The following GHRH variants were observed in gnomAD, a reference collection of about 807,000 sequenced individuals.
The protein encoded by GHRH is growth hormone releasing hormone, also known as somatoliberin.
Under a neutral mutation model 15.6 loss-of-function variants are expected in GHRH, and 7 were observed. The observed-to-expected ratio is 0.45, with a 90% CI of 0.26 to 0.84. GHRH has a LOEUF of 0.84. Ranked by LOEUF, GHRH falls within the 40% of genes least tolerant of loss-of-function variation. The probability of loss-of-function intolerance (pLI) is 0.18; values close to 1 mark genes in which losing one functional copy is unlikely to be tolerated. For missense variants in GHRH, 117 were observed against 138.0 expected, an observed-to-expected ratio of 0.85 and a Z score of 0.76; for synonymous variants, 54 against 50.4, an observed-to-expected ratio of 1.07 and a Z score of -0.30.
chr20:37,254,233 C>A lies in GHRH; in HGVS notation c.285G>T (p.Leu95=). ...ACCTGTGCTTCTGCAGCAGGGCCACCAGGATGCTCTCCAATTCCATTTGCT... is the reference window on the plus strand; with the variant it reads ...ACCTGTGCTTCTGCAGCAGGGCCACAAGGATGCTCTCCAATTCCATTTGCT... The part of the protein sequence containing the change: ...EQKQMELESI[L]VALLQKHSRN... Residue 95 remains leucine, a synonymous_variant, in exon 4 of 5, where the codon CTG becomes CTT. Transcript: ENST00000373614. The A allele has an allele frequency of 2.5e-6, 4 of 1,614,224 alleles. No homozygotes were observed. Among genetic ancestry groups the A allele is most frequent in the Non-Finnish European group, 3.4e-6 (4 of 1,180,028 alleles).
At chr20:37,256,713 G>T (rs2068658438) in intron 2 of GHRH, 94 bp downstream of exon 2, 1 of 1,005,910 alleles carries the variant, frequency 9.9e-7, no homozygotes, top group African/African-American at 1.6e-5. Context: ...CATAGCCAGG[G>T]CCCAGCTGAT....
chr20:37,253,360 A>G (rs989753688), intron 4 of GHRH, among the ~76,000 whole-genome samples: 1 of 152,172 alleles, frequency 6.6e-6, no homozygotes, highest in African/African-American at 2.4e-5. Flanking sequence ...TTGGCTTGAT[A>G]GTTTTTTGAA....
At chr20:37,252,889 A>G (rs903776228) in intron 4 of GHRH, among the ~76,000 whole-genome samples, 3 of 152,148 alleles carry the variant, frequency 2.0e-5, no homozygotes, top group African/African-American at 7.2e-5. Flanking sequence ...AAGTACAAAA[A>G]TCAGCCAGGC....
chr20:37,254,925 C>G (rs746256128), intron 3 of GHRH, among the ~76,000 whole-genome samples: 1 of 151,994 alleles, frequency 6.6e-6, no homozygotes, highest in Non-Finnish European at 1.5e-5. Flanking sequence ...GGTCCCAGAT[C>G]AGAAAAAGAA....
In GHRH at chr20:37,258,191, T is replaced by G. The variant is rs1033395521; in HGVS notation, c.-19-1283A>C. 2.0e-5 allele frequency among the ~76,000 whole-genome samples: 3 copies of G among 152,246 alleles called. No homozygotes were observed. The highest frequency in any genetic ancestry group is 4.4e-5 in the Non-Finnish European group (3 of 68,036). ...ACCTGCCCAAGCATGGAAACACGGCTGGCCTCGGGGGACTTGGCCACCTAG... is the reference window on the plus strand; with the variant it reads ...ACCTGCCCAAGCATGGAAACACGGCGGGCCTCGGGGGACTTGGCCACCTAG... On this transcript the variant is annotated intron_variant, in intron 1 of 4. Transcript: ENST00000373614. This position sits in a 1 kb window ranked among gnomAD's most constrained non-coding sequence, Gnocchi z 4.1.
chr20:37,254,678 GAGA>G (rs1339753233), intron 3 of GHRH, among the ~76,000 whole-genome samples: 1 of 152,168 alleles, frequency 6.6e-6, no homozygotes, highest in Non-Finnish European at 1.5e-5. Flanking sequence ...ACCAGGCACT[GAGA>G]AGGACACAAC....
intron 2 of GHRH, 61 bp downstream of exon 2, chr20:37,256,746 C>T (rs555141581): frequency 1.6e-5 from 21 of 1,336,418 alleles, no homozygotes; most frequent in Admixed American, 5.7e-5. Context: ...CATTCACTAA[C>T]GCCTGCCCCA....
At chr20:37,252,902 G>A (rs1308441467) in intron 4 of GHRH, among the ~76,000 whole-genome samples, 2 of 152,210 alleles carry the variant, frequency 1.3e-5, no homozygotes, top group East Asian at 3.9e-4. Context: ...AGCCAGGCAT[G>A]GTGGCAGGCG....
Position 37,256,815 on chromosome 20 carries a change from C to G in GHRH, c.75G>C (p.Leu25Phe), listed in dbSNP as rs2068659243. Residue 25 changes from leucine (L) to phenylalanine (F), a missense_variant, in exon 2 of 5, where the codon TTG becomes TTC. Coordinates refer to ENST00000373614, the MANE Select transcript of GHRH (RefSeq NM_021081.6). ...NSSHCSPPPP[L>F]TLRMRRYADA... ...CCCCAGGGTCTGCTTACCTGAGGGT[C>G]AAAGGGGGAGGTGGGGAGCAGTGGG... The G allele has an allele frequency of 6.2e-7, 1 of 1,611,964 alleles. No individual in the cohort carries two copies. Among genetic ancestry groups the G allele is most frequent in the Admixed American group, 1.7e-5 (1 of 59,800 alleles).
At chr20:37,261,342 T>A (rs1333538747) in intron 1 of GHRH, among the ~76,000 whole-genome samples, 1 of 152,212 alleles carries the variant, frequency 6.6e-6, no homozygotes, top group Non-Finnish European at 1.5e-5. Context: ...CAGTTCTGAG[T>A]GATCAATGAG....
intron 1 of GHRH, among the ~76,000 whole-genome samples, chr20:37,261,475 A>G (rs560019109): frequency 8.7e-4 from 132 of 152,302 alleles, no homozygotes; most frequent in African/African-American, 3.1e-3. Context: ...TCGAAGGAGC[A>G]CTGAGACCTC....
At position 37,261,792 on chromosome 20, in the gene GHRH, G is replaced by T. The variant is rs1331564686; in HGVS notation, c.-69C>A. 2 of 152,248 alleles carry T rather than the reference G, an allele frequency of 1.3e-5. No individual in the cohort carries two copies. The highest frequency in any genetic ancestry group is 2.9e-5 in the Non-Finnish European group (2 of 68,070). 9.4% of individuals were successfully genotyped at this position (152,248 alleles called of 1,614,324 possible). ...TCCGAGGCACTGCTCAAATCCAGGG[G>T]CCCTGGGCTGGGTGTTTGCTCTGGC... On this transcript the variant is annotated 5_prime_UTR_variant, in exon 1 of 5. Transcript: ENST00000373614.
rs1212661061 is a variant in GHRH, at chr20:37,252,781, G to C, written c.308+1429C>G. Among the ~76,000 whole-genome samples, 5 of 152,142 alleles carry C rather than the reference G, an allele frequency of 3.3e-5. No homozygotes were observed. The East Asian group carries it at 9.7e-4, about 29-fold the overall frequency. On this transcript the variant is annotated intron_variant, in intron 4 of 4. Coordinates refer to ENST00000373614, the MANE Select transcript of GHRH (RefSeq NM_021081.6). ...TAGCCGGGCGTGGTGGCGGGTGCCTGTAATCCCAGCACTTGGGGAGGCCAA... is the reference window on the plus strand; with the variant it reads ...TAGCCGGGCGTGGTGGCGGGTGCCTCTAATCCCAGCACTTGGGGAGGCCAA...
intron 1 of GHRH, among the ~76,000 whole-genome samples, chr20:37,259,321 C>T (rs1053429925): frequency 4.6e-5 from 7 of 152,148 alleles, no homozygotes; most frequent in Non-Finnish European, 7.4e-5. Flanking sequence ...TCCTCCTCAT[C>T]GCACCATACC....
chr20:37,256,721 G>A, intron 2 of GHRH, 86 bp downstream of exon 2: 1 of 1,087,966 alleles, frequency 9.2e-7, no homozygotes, highest in Non-Finnish European at 1.4e-6. Context: ...GGGCCCAGCT[G>A]ATGGGCTGAG....
intron 4 of GHRH, 137 bp downstream of exon 4, chr20:37,254,073 C>T (rs2068640045): frequency 2.1e-5 from 18 of 860,916 alleles, no homozygotes; most frequent in Non-Finnish European, 3.3e-5. Flanking sequence ...TAATGTCTGT[C>T]AGGAGGGTCC....
Position 37,254,200 on chromosome 20 carries a change from A to G in GHRH, c.308+10T>C, listed in dbSNP as rs2068641029. The G allele has an allele frequency of 6.2e-7, 1 of 1,613,982 alleles. No homozygotes were observed. Among genetic ancestry groups the G allele is most frequent in the African/African-American group, 1.3e-5 (1 of 74,894 alleles). The stretch of plus-strand genomic sequence containing the variant: ...AGTCCCTAGATGCACCCATGCACAC[A>G]CACCCATACCTGTGCTTCTGCAGCA... On this transcript the variant is annotated intron_variant, in intron 4 of 4. Transcript: ENST00000373614.
chr20:37,252,425 A>G (rs1032213939), intron 4 of GHRH, among the ~76,000 whole-genome samples: 1 of 152,324 alleles, frequency 6.6e-6, no homozygotes, highest in East Asian at 1.9e-4. Flanking sequence ...AGCTTGGACC[A>G]GAAGTGCCCA....
intron 1 of GHRH, among the ~76,000 whole-genome samples, chr20:37,259,697 C>G (rs543148878): frequency 6.6e-6 from 1 of 152,320 alleles, no homozygotes; most frequent in East Asian, 1.9e-4. Context: ...CATCCTTGCA[C>G]TCTCCCTCTG....
Sources: gnomAD v4.1 joint callset for allele counts (sites outside exome capture counted in the v4.1 genomes callset) on GRCh38, gnomAD v4.1.1 for gene constraint, Gnocchi (gnomAD v3.1) non-coding constraint, MANE v1.5 for transcripts, NCBI Gene and HGNC (gene_info 2026-07-23, HGNC 2026-07-21) for gene names.